Variants in ADAMTS6 observed in about 807,000 individuals in gnomAD.
ADAMTS6 encodes A disintegrin and metalloproteinase with thrombospondin motifs 6.
A neutral mutation model predicts 144.3 loss-of-function variants in ADAMTS6; 23 were observed. The ratio of observed to expected loss-of-function variants is 0.16; its 90% CI spans 0.11 to 0.23. The LOEUF is 0.23. Among genes scored for constraint, ADAMTS6 ranks in the 10% least tolerant of loss-of-function variants. The pLI is 1.00. For synonymous variants in ADAMTS6, 444 were observed against 457.5 expected (o/e 0.97, Z 0.38); for missense variants, 999 against 1,379.6 (o/e 0.72, Z 4.37).
At chr5:65,154,441 G>A (rs1752298313) in intron 24 of ADAMTS6, among the ~76,000 whole-genome samples, 1 of 152,184 alleles carries the variant, frequency 6.6e-6, no homozygotes, top group Admixed American at 6.5e-5. Context: ...TTGGAAGCAG[G>A]AAGTCCGTAG....
At chr5:65,160,096 G>A (rs892852473) in intron 24 of ADAMTS6, among the ~76,000 whole-genome samples, 1 of 152,112 alleles carries the variant, frequency 6.6e-6, no homozygotes, top group African/African-American at 2.4e-5. Context: ...TCTATCTGTG[G>A]CCCATTTAAT....
intron 7 of ADAMTS6, among the ~76,000 whole-genome samples, chr5:65,370,289 A>G (rs547392944): frequency 1.3e-3 from 191 of 152,266 alleles, no homozygotes; most frequent in African/African-American, 4.5e-3. Flanking sequence ...GGCCGAATAG[A>G]AACAGCTCCG....
At chr5:65,262,777 T>C in intron 13 of ADAMTS6, 40 bp downstream of exon 13, 3 of 1,473,112 alleles carry the variant, frequency 2.0e-6, no homozygotes, top group Non-Finnish European at 9.0e-7. Flanking sequence ...CATTTCCAAC[T>C]GTGTCTTTTT....
intron 20 of ADAMTS6, among the ~76,000 whole-genome samples, chr5:65,211,727 C>G (rs537166543): frequency 9.0e-4 from 137 of 152,272 alleles, no homozygotes; most frequent in Non-Finnish European, 2.1e-4. Flanking sequence ...CAAAGCTTTG[C>G]CCCACTCTAT....
Position 65,283,929 on chromosome 5 carries a change from G to A in ADAMTS6, c.1512+7400C>T, listed in dbSNP as rs76703943. Among the ~76,000 whole-genome samples the A allele has an allele frequency of 1.1e-3, 164 of 152,112 alleles. 3 individuals are homozygous for A. The highest frequency in any genetic ancestry group is 3.9e-4 in the East Asian group (2 of 5,182). On this transcript the variant is annotated intron_variant, in intron 11 of 24. Transcript: ENST00000381055. ...GTTCCAAAACCAGAAAATGGTTTTT[G>A]AGGCCAACATTTAGCTTTCTTTTTT...
In ADAMTS6 at chr5:65,393,403, G is replaced by A. The variant is rs550448188; in HGVS notation, c.1073+58072C>T. Among the ~76,000 whole-genome samples, 134 of 152,238 alleles carry A rather than the reference G, an allele frequency of 8.8e-4. 2 individuals are homozygous for A. The highest frequency in any genetic ancestry group is 3.1e-3 in the Admixed American group (47 of 15,290). On this transcript the variant is annotated intron_variant, in intron 7 of 24. Coordinates refer to ENST00000381055, the MANE Select transcript of ADAMTS6 (RefSeq NM_197941.4). ...TTGTATCCATACTTGTTATGCAAAAGCTAATGTTTATATCCATAATTTTAA... is the reference window on the plus strand; with the variant it reads ...TTGTATCCATACTTGTTATGCAAAAACTAATGTTTATATCCATAATTTTAA...
intron 1 of ADAMTS6, among the ~76,000 whole-genome samples, chr5:65,480,189 GA>G (rs1761105828): frequency 6.6e-6 from 1 of 152,136 alleles, no homozygotes; most frequent in South Asian, 2.1e-4. Context: ...AAAAAGAACA[GA>G]AAATTAGTCC....
At chr5:65,155,281 T>C (rs980108421) in intron 24 of ADAMTS6, among the ~76,000 whole-genome samples, 3 of 152,162 alleles carry the variant, frequency 2.0e-5, no homozygotes, top group African/African-American at 7.2e-5. Flanking sequence ...TGTTGCTCAA[T>C]GATGGGGATA....
At chr5:65,471,752 C>T (rs1278314327) in intron 2 of ADAMTS6, among the ~76,000 whole-genome samples, 3 of 150,042 alleles carry the variant, frequency 2.0e-5, no homozygotes, top group East Asian at 3.9e-4. Context: ...AGCAAGACTC[C>T]GTCTCAAAAA....
chr5:65,336,245 C>T (rs1351091582), intron 7 of ADAMTS6, among the ~76,000 whole-genome samples: 2 of 151,990 alleles, frequency 1.3e-5, no homozygotes, highest in African/African-American at 4.8e-5. Context: ...AATATACATA[C>T]ATATATACAT....
intron 22 of ADAMTS6, among the ~76,000 whole-genome samples, chr5:65,179,982 AT>A (rs1754242808): frequency 6.6e-6 from 1 of 151,056 alleles, no homozygotes; most frequent in Non-Finnish European, 1.5e-5. Flanking sequence ...ACACACACAC[AT>A]CCCCCAGGAG....
chr5:65,203,894 A>G (rs182927432), intron 20 of ADAMTS6, among the ~76,000 whole-genome samples: 40 of 152,354 alleles, frequency 2.6e-4, no homozygotes, highest in Non-Finnish European at 4.6e-4. Context: ...TGTGATATAT[A>G]GATCATTAAT....
At chr5:65,232,079 C>T (rs67386272) in intron 15 of ADAMTS6, among the ~76,000 whole-genome samples, 11,187 of 152,124 alleles carry the variant, frequency 0.074, 462 homozygotes, top group East Asian at 0.11. Flanking sequence ...CCACTGCCCT[C>T]CAGCCTGGAT....
intron 20 of ADAMTS6, among the ~76,000 whole-genome samples, chr5:65,198,236 C>T (rs1414507759): frequency 6.6e-6 from 1 of 152,084 alleles, no homozygotes; most frequent in Non-Finnish European, 1.5e-5. Flanking sequence ...CTAAATTACC[C>T]AGAAAGAGTT....
At chr5:65,175,607 T>C (rs937323985) in intron 22 of ADAMTS6, among the ~76,000 whole-genome samples, 3 of 152,100 alleles carry the variant, frequency 2.0e-5, no homozygotes, top group African/African-American at 7.2e-5. Flanking sequence ...GCATTCAATC[T>C]GTAGGCAACT....
At chr5:65,292,323 G>C (rs183885757) in intron 10 of ADAMTS6, among the ~76,000 whole-genome samples, 1 of 150,596 alleles carries the variant, frequency 6.6e-6, no homozygotes, top group East Asian at 1.9e-4. Flanking sequence ...AATTTTTAAA[G>C]AATTCCTATG....
At chr5:65,306,591 A>G (rs1010007968) in intron 9 of ADAMTS6, among the ~76,000 whole-genome samples, 4 of 152,226 alleles carry the variant, frequency 2.6e-5, no homozygotes, top group Non-Finnish European at 5.9e-5. Flanking sequence ...TTGGGTCATA[A>G]GTTGTGTAAC....
At chr5:65,237,473 AT>A (rs1386254887) in intron 15 of ADAMTS6, among the ~76,000 whole-genome samples, 1 of 151,678 alleles carries the variant, frequency 6.6e-6, no homozygotes, top group Non-Finnish European at 1.5e-5. Context: ...AGGGAGTTAA[AT>A]TTTTAATAAC....
intron 15 of ADAMTS6, among the ~76,000 whole-genome samples, chr5:65,234,998 C>G (rs1192513838): frequency 6.6e-6 from 1 of 152,078 alleles, no homozygotes; most frequent in Non-Finnish European, 1.5e-5. Context: ...GATACAAATA[C>G]TGTATGATCT....
Sources: allele counts gnomAD v4.1 joint callset (sites outside exome capture counted in the v4.1 genomes callset), GRCh38; gene constraint gnomAD v4.1.1; transcripts MANE v1.5; gene names NCBI Gene and HGNC (gene_info 2026-07-23, HGNC 2026-07-21).